The following MECOM variants were observed in gnomAD, a reference collection of about 807,000 sequenced individuals.
MECOM encodes MDS1 and EVI1 complex locus.
MECOM carries 13 observed loss-of-function variants against 116.3 expected under a neutral mutation model. That is an observed-to-expected ratio of 0.11 (90% CI 0.07 to 0.18). The LOEUF (loss-of-function observed/expected upper bound fraction) is 0.18, where lower values mean the gene tolerates loss of function less well. MECOM is among the 10% of genes least tolerant of loss of function. The pLI, the probability that MECOM is intolerant of heterozygous loss-of-function variation, is 1.00. For synonymous variants in MECOM, 528 were observed against 535.2 expected (o/e 0.99, Z 0.19); for missense variants, 1,299 against 1,509.0 (o/e 0.86, Z 2.31).
At chr3:169,540,405 A>G (rs1486101501) in intron 1 of MECOM, among the ~76,000 whole-genome samples, 1 of 152,106 alleles carries the variant, frequency 6.6e-6, no homozygotes, top group Non-Finnish European at 1.5e-5. Flanking sequence ...TCTCCCCTGC[A>G]TTAGGGCTGC....
intron 1 of MECOM, among the ~76,000 whole-genome samples, chr3:169,455,432 A>G (rs1746312859): frequency 1.3e-5 from 2 of 152,250 alleles, no homozygotes; most frequent in Admixed American, 6.5e-5. Context: ...ACCTGAATCA[A>G]GAGAAAAACT....
At chr3:169,149,621 C>T in intron 2 of MECOM, 1 of 468,490 alleles carries the variant, frequency 2.1e-6, no homozygotes, top group South Asian at 1.6e-5. Flanking sequence ...TCCTTCCGAG[C>T]TACGAGAGGA....
intron 1 of MECOM, among the ~76,000 whole-genome samples, chr3:169,659,964 C>T (rs1329482443): frequency 2.0e-5 from 3 of 152,130 alleles, no homozygotes; most frequent in Non-Finnish European, 4.4e-5. Flanking sequence ...CTTTACGAGA[C>T]TTCTGGGGGG....
intron 1 of MECOM, among the ~76,000 whole-genome samples, chr3:169,591,474 C>T (rs917892140): frequency 6.6e-6 from 1 of 152,096 alleles, no homozygotes; most frequent in African/African-American, 2.4e-5. Flanking sequence ...CCAAGTGCAC[C>T]GTTTAGCAAA....
intron 11 of MECOM, among the ~76,000 whole-genome samples, chr3:169,101,748 AC>A: frequency 6.6e-6 from 1 of 152,316 alleles, no homozygotes; most frequent in East Asian, 1.9e-4. Flanking sequence ...GTAGTAGTAT[AC>A]CTTTAGATGA....
chr3:169,148,869 T>C (rs984421898), intron 2 of MECOM, among the ~76,000 whole-genome samples: 1 of 152,182 alleles, frequency 6.6e-6, no homozygotes, highest in African/African-American at 2.4e-5. Flanking sequence ...CTGTTATCTG[T>C]GACATTGAAC....
chr3:169,538,853 T>C (rs1055022928), intron 1 of MECOM, among the ~76,000 whole-genome samples: 14 of 152,174 alleles, frequency 9.2e-5, no homozygotes, highest in Non-Finnish European at 1.5e-4. Context: ...ATTCAAATTT[T>C]GTTCAAAGCA....
At chr3:169,184,321 AAATG>A (rs1486023909) in intron 2 of MECOM, among the ~76,000 whole-genome samples, 5 of 152,158 alleles carry the variant, frequency 3.3e-5, no homozygotes, top group Non-Finnish European at 7.4e-5. Context: ...CAAAGGGAGA[AAATG>A]AACATAAACA....
At chr3:169,167,691 T>G (rs993387368) in intron 2 of MECOM, among the ~76,000 whole-genome samples, 2 of 152,200 alleles carry the variant, frequency 1.3e-5, no homozygotes, top group African/African-American at 4.8e-5. Context: ...ATATGTGATC[T>G]ATACTTCTAT....
chr3:169,380,160 C>T (rs1732158075), intron 2 of MECOM, among the ~76,000 whole-genome samples: 1 of 152,062 alleles, frequency 6.6e-6, no homozygotes, highest in African/African-American at 2.4e-5. Flanking sequence ...AAAAGCTAAC[C>T]AGATATTCTA....
chr3:169,517,871 T>C (rs1336446448), intron 1 of MECOM, among the ~76,000 whole-genome samples: 1 of 152,174 alleles, frequency 6.6e-6, no homozygotes, highest in Non-Finnish European at 1.5e-5. Flanking sequence ...AATCGAGAAA[T>C]AGCATTTGCA....
At chr3:169,459,820 T>C (rs368748815) in intron 1 of MECOM, among the ~76,000 whole-genome samples, 1 of 152,166 alleles carries the variant, frequency 6.6e-6, no homozygotes. Flanking sequence ...ATTCTTATAG[T>C]TTCTGAATTA....
chr3:169,491,577 T>C (rs893127792), intron 1 of MECOM, among the ~76,000 whole-genome samples: 1 of 152,202 alleles, frequency 6.6e-6, no homozygotes, highest in Non-Finnish European at 1.5e-5. Context: ...TACATTTTTC[T>C]CATTTTGTCT....
intron 9 of MECOM, among the ~76,000 whole-genome samples, chr3:169,108,579 C>T (rs937361827): frequency 6.6e-6 from 1 of 151,922 alleles, no homozygotes; most frequent in Non-Finnish European, 1.5e-5. Flanking sequence ...CCAGGAGACA[C>T]AAAAGTTATA....
intron 1 of MECOM, among the ~76,000 whole-genome samples, chr3:169,402,147 G>A (rs1356082898): frequency 2.6e-5 from 4 of 152,152 alleles, no homozygotes; most frequent in African/African-American, 7.2e-5. Flanking sequence ...ATAAGGGAGT[G>A]GAACGGGGAT....
chr3:169,163,803 C>G (rs142088605), intron 2 of MECOM, among the ~76,000 whole-genome samples: 124 of 152,188 alleles, frequency 8.1e-4, no homozygotes, highest in African/African-American at 2.9e-3. Flanking sequence ...AAGGTCACTC[C>G]GAGCCAACCA....
At chr3:169,321,287 A>T (rs1720809115) in intron 2 of MECOM, among the ~76,000 whole-genome samples, 1 of 152,218 alleles carries the variant, frequency 6.6e-6, no homozygotes, top group Admixed American at 6.5e-5. Context: ...CACTCCTGTA[A>T]TCCCAGCACT....
chr3:169,633,776 G>A (rs984059864), intron 1 of MECOM, among the ~76,000 whole-genome samples: 1 of 151,994 alleles, frequency 6.6e-6, no homozygotes, highest in Non-Finnish European at 1.5e-5. Flanking sequence ...GGCTAAGGTT[G>A]GGGGTCAAGA....
chr3:169,475,584 T>G (rs992388985), intron 1 of MECOM, among the ~76,000 whole-genome samples: 3 of 152,120 alleles, frequency 2.0e-5, no homozygotes, highest in Non-Finnish European at 2.9e-5. Context: ...AGTCGAAGTT[T>G]TTTTTTTTTC....
Sources: allele counts gnomAD v4.1 joint callset (sites outside exome capture counted in the v4.1 genomes callset), GRCh38; gene constraint gnomAD v4.1.1; transcripts MANE v1.5; gene names NCBI Gene and HGNC (gene_info 2026-07-23, HGNC 2026-07-21).